The following SYK variants were observed in gnomAD, a reference collection of about 807,000 sequenced individuals.
SYK encodes tyrosine-protein kinase SYK.
In SYK, 16 loss-of-function variants were observed where a neutral mutation model predicts 77.8. The ratio of observed to expected loss-of-function variants is 0.21; its 90% confidence interval spans 0.14 to 0.31. The LOEUF (loss-of-function observed/expected upper bound fraction) is 0.31. SYK is among the 10% of genes least tolerant of loss of function. SYK has a pLI of 1.00. For synonymous variants in SYK, 312 were observed against 308.7 expected (o/e 1.01, Z -0.11); for missense variants, 529 against 814.4 (o/e 0.65, Z 4.26).
At chr9:90,824,741 T>TAA (rs560590829) in intron 1 of SYK, among the ~76,000 whole-genome samples, 7,934 of 145,004 alleles carry the variant, frequency 0.055, 733 homozygotes, top group African/African-American at 0.19. Context: ...TAAAGAGCAT[T>TAA]AAAAAAAAAA....
chr9:90,845,409 C>T (rs368957406), intron 2 of SYK, 25 bp from the exon 3 acceptor site: 14 of 1,606,722 alleles, frequency 8.7e-6, no homozygotes, highest in African/African-American at 1.3e-5. Flanking sequence ...GTATGGTTTA[C>T]TCTGCTTTGC....
intron 3 of SYK, among the ~76,000 whole-genome samples, chr9:90,851,195 G>T (rs1826806695): frequency 6.6e-6 from 1 of 152,104 alleles, no homozygotes. Flanking sequence ...TCTCCAGATG[G>T]ATCCATCTCC....
At chr9:90,883,191 A>T (rs1385893712) in intron 11 of SYK, among the ~76,000 whole-genome samples, 1 of 151,984 alleles carries the variant, frequency 6.6e-6, no homozygotes, top group Non-Finnish European at 1.5e-5. Context: ...CCAGGGACAG[A>T]TCCCCCTGCT....
chr9:90,872,414 A>G (rs1218991798), intron 7 of SYK, among the ~76,000 whole-genome samples: 1 of 152,246 alleles, frequency 6.6e-6, no homozygotes, highest in Non-Finnish European at 1.5e-5. Context: ...AGTTGAAATG[A>G]CAGTAAATAT....
rs1587938166 is a variant in SYK at position 90,898,259 on chromosome 9, C to T, written c.*2659C>T. 8.7e-6 allele frequency: 2 copies of T among 230,996 alleles called. No individual in the cohort carries two copies. Among genetic ancestry groups the T allele is most frequent in the South Asian group, 1.8e-4 (1 of 5,506 alleles). 14.3% of individuals were successfully genotyped at this position (230,996 alleles called of 1,614,324 possible). ...AAACAGTGTGTTCAGTGGTGAAAAT[C>T]GTTGCATGCATGTTTTCATCTGAGC... On this transcript the variant is annotated 3_prime_UTR_variant, in exon 14 of 14. Coordinates refer to ENST00000375754, the MANE Select transcript of SYK (RefSeq NM_003177.7).
chr9:90,825,759 A>T (rs1825648285), intron 1 of SYK, among the ~76,000 whole-genome samples: 1 of 152,190 alleles, frequency 6.6e-6, no homozygotes, highest in South Asian at 2.1e-4. Flanking sequence ...ATGTGGAGGA[A>T]AAGGATGTTA....
chr9:90,837,504 C>T (rs966038186), intron 1 of SYK, among the ~76,000 whole-genome samples: 6 of 151,946 alleles, frequency 3.9e-5, no homozygotes, highest in Non-Finnish European at 7.4e-5. Flanking sequence ...GCAGGAGAGG[C>T]CTCAACCTGG....
At chr9:90,893,300 G>T (rs571153101) in intron 13 of SYK, among the ~76,000 whole-genome samples, 1 of 152,266 alleles carries the variant, frequency 6.6e-6, no homozygotes, top group Admixed American at 6.5e-5. Flanking sequence ...TCTCACAGTT[G>T]CCTGCAGCAC....
At chr9:90,837,633 G>C (rs769765255) in intron 1 of SYK, among the ~76,000 whole-genome samples, 3 of 152,150 alleles carry the variant, frequency 2.0e-5, no homozygotes, top group Non-Finnish European at 2.9e-5. Flanking sequence ...GGATGGAGAG[G>C]TTCCTTGTGA....
chr9:90,802,375 T>C (rs1826764784), intron 1 of SYK, among the ~76,000 whole-genome samples: 1 of 152,230 alleles, frequency 6.6e-6, no homozygotes, highest in African/African-American at 2.4e-5. Flanking sequence ...CTTATGAGCT[T>C]AGACAAATCT....
At chr9:90,856,495 C>T (rs1352934580) in intron 3 of SYK, among the ~76,000 whole-genome samples, 1 of 152,086 alleles carries the variant, frequency 6.6e-6, no homozygotes, top group African/African-American at 2.4e-5. Context: ...ATTATTCTTC[C>T]AGCGCACTAA....
rs951920559 is a variant in SYK, at chr9:90,884,281, A to G, written c.1582-3468A>G. On this transcript the variant is annotated intron_variant, in intron 11 of 13. Transcript: ENST00000375754. The stretch of plus-strand genomic sequence containing the variant: ...CATACACATACGTGTATATATACAC[A>G]CATATACACATACGTGTATATATAC... Among the ~76,000 whole-genome samples the G allele has an allele frequency of 1.4e-4, 7 of 48,342 alleles. No homozygotes were observed. The East Asian group carries it at 1.8e-3, about 13-fold the overall frequency. The allele number at this position is 48,342 out of a possible 152,430, so 31.7% of individuals were successfully genotyped here.
chr9:90,886,308 A>T (rs999590676), intron 11 of SYK, among the ~76,000 whole-genome samples: 40 of 152,284 alleles, frequency 2.6e-4, no homozygotes, highest in Non-Finnish European at 4.4e-4. Context: ...GACTTTTTTT[A>T]AAAAAATGCT....
At chr9:90,866,195 G>A (rs538479127) in intron 6 of SYK, among the ~76,000 whole-genome samples, 4 of 152,276 alleles carry the variant, frequency 2.6e-5, no homozygotes, top group South Asian at 2.1e-4. Flanking sequence ...CACCGTGCCC[G>A]GCCCATATGG....
intron 13 of SYK, among the ~76,000 whole-genome samples, chr9:90,889,320 C>A (rs1828699517): frequency 1.3e-5 from 2 of 152,214 alleles, no homozygotes; most frequent in South Asian, 4.1e-4. Flanking sequence ...TGACCCCAAG[C>A]CGCCATCTCC....
chr9:90,807,941 GTCT>G (rs1824906895), intron 1 of SYK, among the ~76,000 whole-genome samples: 1 of 152,158 alleles, frequency 6.6e-6, no homozygotes, highest in African/African-American at 2.4e-5. Flanking sequence ...GGCTGTGTAT[GTCT>G]TCTTAATACC....
intron 1 of SYK, among the ~76,000 whole-genome samples, chr9:90,835,602 A>T (rs1432900273): frequency 6.6e-6 from 1 of 152,130 alleles, no homozygotes; most frequent in Non-Finnish European, 1.5e-5. Context: ...AGGAGGAGAG[A>T]TGGGGAAGGA....
At chr9:90,861,515 G>A (rs1180713623) in intron 3 of SYK, among the ~76,000 whole-genome samples, 1 of 132,210 alleles carries the variant, frequency 7.6e-6, no homozygotes, top group Non-Finnish European at 1.6e-5. Context: ...TGCATTGGGA[G>A]CTTGGAAGTC....
At position 90,874,743 on chromosome 9, in the gene SYK, A is replaced by C. The variant is rs200418715; in HGVS notation, c.1075A>C (p.Arg359=). ...CCCCTACGCGGACCCCGAGGAGATC[A>C]GGCCCAAGGAGGTTTACCTGGACCG... is the stretch of plus-strand genomic sequence containing the variant. ...ESPYADPEEI[R]PKEVYLDRKL... Residue 359 remains arginine (R), a synonymous_variant, in exon 9 of 14, where the codon AGG becomes CGG. Coordinates refer to ENST00000375754, the MANE Select transcript of SYK (RefSeq NM_003177.7). 6 of 1,614,068 alleles carry C rather than the reference A, an allele frequency of 3.7e-6. No individual in the cohort carries two copies. In the African/African-American group the frequency reaches 8.0e-5, roughly 22 times the overall value.
Sources: allele counts gnomAD v4.1 joint callset (sites outside exome capture counted in the v4.1 genomes callset), GRCh38; gene constraint gnomAD v4.1.1; transcripts MANE v1.5; gene names NCBI Gene and HGNC (gene_info 2026-07-23, HGNC 2026-07-21).